Variants in PTPRC observed in about 807,000 individuals in gnomAD.
PTPRC encodes receptor-type tyrosine-protein phosphatase C.
Under a neutral mutation model 155.9 loss-of-function variants are expected in PTPRC, and 44 were observed. The ratio of observed to expected loss-of-function variants is 0.28; its 90% CI spans 0.22 to 0.36. PTPRC has a LOEUF of 0.36. PTPRC is among the 10% of genes least tolerant of loss of function. The pLI, the probability that PTPRC is intolerant of heterozygous loss-of-function variation, is 1.00. For synonymous variants in PTPRC, 525 were observed against 533.1 expected, an observed-to-expected ratio of 0.98 and a Z score of 0.21; for missense variants, 1,401 against 1,564.6, an observed-to-expected ratio of 0.90 and a Z score of 1.76.
rs551257435 is a variant in PTPRC, at chr1:198,654,452, G to A, written c.73+15111G>A. The stretch of plus-strand genomic sequence containing the variant: ...TAAAATTAGGGATTATATGGTACAC[G>A]AAAAATTTATATACACAGATTACAA... On this transcript the variant is annotated intron_variant, in intron 2 of 32. Transcript: ENST00000442510. Among the ~76,000 whole-genome samples the A allele has an allele frequency of 2.6e-5, 4 of 151,802 alleles. No homozygotes were observed. In the East Asian group the frequency reaches 7.8e-4, roughly 29 times the overall value.
intron 31 of PTPRC, 96 bp from the exon 32 acceptor site, chr1:198,754,173 A>T: frequency 7.1e-7 from 1 of 1,405,500 alleles, no homozygotes; most frequent in Non-Finnish European, 9.9e-7. Flanking sequence ...ATAAACATGA[A>T]GCAAAAAATA....
intron 18 of PTPRC, 149 bp downstream of exon 18, chr1:198,731,875 C>A: frequency 1.4e-6 from 1 of 706,750 alleles, no homozygotes; most frequent in Non-Finnish European, 2.5e-6. Flanking sequence ...TCTCTATGAA[C>A]CAGAAGAGAG....
intron 29 of PTPRC, 95 bp from the exon 30 acceptor site, chr1:198,752,154 G>A: frequency 1.5e-6 from 2 of 1,357,696 alleles, no homozygotes; most frequent in Non-Finnish European, 2.1e-6. Context: ...ATAGAAAAGA[G>A]GCACAGACAG....
intron 5 of PTPRC, among the ~76,000 whole-genome samples, chr1:198,701,148 T>TG (rs1221110761): frequency 6.6e-6 from 1 of 152,218 alleles, no homozygotes; most frequent in Non-Finnish European, 1.5e-5. Context: ...ATGTTTATGT[T>TG]GTTTATTCTA....
At chr1:198,755,189 T>C (rs1332964494) in intron 32 of PTPRC, among the ~76,000 whole-genome samples, 1 of 152,076 alleles carries the variant, frequency 6.6e-6, no homozygotes, top group East Asian at 1.9e-4. Flanking sequence ...CAAATTCACA[T>C]TGCAAAGAAA....
At chr1:198,690,602 G>T (rs1665875068) in intron 2 of PTPRC, among the ~76,000 whole-genome samples, 2 of 151,990 alleles carry the variant, frequency 1.3e-5, no homozygotes, top group African/African-American at 4.8e-5. Context: ...CAAGGAATAA[G>T]CCAGGGAATG....
chr1:198,753,707 T>G (rs986364534), intron 31 of PTPRC, among the ~76,000 whole-genome samples: 1 of 152,072 alleles, frequency 6.6e-6, no homozygotes, highest in Admixed American at 6.6e-5. Context: ...TGAATCTTTA[T>G]GATAATGCTT....
At chr1:198,718,816 C>G (rs1256630712) in intron 14 of PTPRC, among the ~76,000 whole-genome samples, 1 of 152,034 alleles carries the variant, frequency 6.6e-6, no homozygotes, top group Non-Finnish European at 1.5e-5. Flanking sequence ...CATTTATATG[C>G]ACTTAACACG....
chr1:198,712,248 T>C (rs954136110), intron 11 of PTPRC, among the ~76,000 whole-genome samples: 2 of 152,214 alleles, frequency 1.3e-5, no homozygotes, highest in Admixed American at 1.3e-4. Flanking sequence ...GTACTTACTG[T>C]TTGTTTCATT....
intron 9 of PTPRC, among the ~76,000 whole-genome samples, chr1:198,707,346 T>A (rs1471565425): frequency 6.6e-6 from 1 of 152,190 alleles, no homozygotes; most frequent in Admixed American, 6.5e-5. Flanking sequence ...ACATAAAGGA[T>A]TTGATGTGTA....
chr1:198,750,750 C>A, intron 29 of PTPRC, 124 bp downstream of exon 29: 1 of 1,250,696 alleles, frequency 8.0e-7, no homozygotes, highest in Non-Finnish European at 1.2e-6. Context: ...ATAATTCTGT[C>A]TGCTCAGTCT....
intron 12 of PTPRC, among the ~76,000 whole-genome samples, chr1:198,714,232 C>G (rs188953814): frequency 2.6e-5 from 4 of 152,036 alleles, no homozygotes; most frequent in Non-Finnish European, 2.9e-5. Context: ...TTCACTATCC[C>G]TTTCTGCATT....
At position 198,692,353 on chromosome 1, in the gene PTPRC, G is replaced by T. The variant is rs763020424; in HGVS notation, c.80G>T (p.Ser27Ile). 2.6e-6 allele frequency: 4 copies of T among 1,510,896 alleles called. No individual in the cohort carries two copies. In the South Asian group the frequency reaches 4.1e-5, roughly 16 times the overall value. 93.6% of individuals were successfully genotyped at this position (1,510,896 alleles called of 1,614,324 possible). A position where few individuals can be genotyped will look rare whatever the true frequency, so the allele number is the denominator to read the frequency against. ...LDTEVFVTGQ[S>I]PTPSPTGLTT... ...TTTTGTTTCTTCTTTGCAGGGCAAA[G>T]CCCAACACCTTCCCCCACTGGTAAG... Residue 27 changes from serine (S) to isoleucine (I), a missense_variant, in exon 3 of 33, where the codon AGC (serine) becomes ATC (isoleucine). Physicochemically the swap from Ser to Ile is moderately radical, Grantham distance 142. Transcript: ENST00000442510.
intron 17 of PTPRC, among the ~76,000 whole-genome samples, chr1:198,730,936 A>G (rs1013824516): frequency 6.6e-6 from 1 of 152,170 alleles, no homozygotes; most frequent in African/African-American, 2.4e-5. Context: ...TACATGGAAG[A>G]GTAGGAGAAA....
intron 2 of PTPRC, chr1:198,679,686 A>T: frequency 3.0e-6 from 1 of 336,152 alleles, no homozygotes; most frequent in South Asian, 8.5e-5. Flanking sequence ...AACCAGCCAG[A>T]CATAGCGGTG....
At chr1:198,694,174 G>C in intron 3 of PTPRC, 1 of 1,491,358 alleles carries the variant, frequency 6.7e-7, no homozygotes, top group Non-Finnish European at 8.9e-7. Context: ...GAGGAACTTG[G>C]AGTCTGATGT....
intron 15 of PTPRC, among the ~76,000 whole-genome samples, chr1:198,725,969 A>C (rs1654114250): frequency 6.6e-6 from 1 of 152,102 alleles, no homozygotes; most frequent in Non-Finnish European, 1.5e-5. Context: ...TGGCATTTTC[A>C]GTTTTTTAAT....
intron 15 of PTPRC, among the ~76,000 whole-genome samples, chr1:198,722,856 A>G (rs1653957269): frequency 6.6e-6 from 1 of 151,778 alleles, no homozygotes; most frequent in Non-Finnish European, 1.5e-5. Context: ...TGGGCCTTAG[A>G]TACAAGTCTG....
At chr1:198,650,688 G>A (rs891301245) in intron 2 of PTPRC, among the ~76,000 whole-genome samples, 3 of 151,754 alleles carry the variant, frequency 2.0e-5, no homozygotes, top group African/African-American at 7.3e-5. Context: ...ATAAACATAG[G>A]AGTCATTGCA....
Sources: allele counts gnomAD v4.1 joint callset (sites outside exome capture counted in the v4.1 genomes callset), GRCh38; gene constraint gnomAD v4.1.1; transcripts MANE v1.5; gene names NCBI Gene and HGNC (gene_info 2026-07-23, HGNC 2026-07-21).